The following LAMA3 variants were observed in gnomAD, a reference collection of about 807,000 sequenced individuals.
LAMA3 encodes laminin subunit alpha 3.
Under a neutral mutation model 402.0 loss-of-function variants are expected in LAMA3, and 281 were observed. The observed-to-expected ratio is 0.70, with a 90% CI of 0.63 to 0.77. The LOEUF (loss-of-function observed/expected upper bound fraction) is 0.77. Ranked by LOEUF, LAMA3 falls within the 30% of genes least tolerant of loss-of-function variation. LAMA3 has a pLI of 0.00. For missense variants in LAMA3, 3,840 were observed against 4,215.5 expected (o/e 0.91, Z 2.47); for synonymous variants, 1,431 against 1,558.4 (o/e 0.92, Z 1.93).
chr18:23,838,834 A>G lies in LAMA3; in HGVS notation c.3147A>G (p.Pro1049=), dbSNP rs2144565517. The G allele has an allele frequency of 1.2e-6, 2 of 1,612,812 alleles. No individual in the cohort carries two copies. Among genetic ancestry groups the G allele is most frequent in the African/African-American group, 1.3e-5 (1 of 75,024 alleles). The change falls in exon 26 of 75, where the codon CCA becomes CCG. Residue 1049 remains proline (P), a synonymous_variant. Coordinates refer to ENST00000313654, the MANE Select transcript of LAMA3 (RefSeq NM_198129.4). Reference sequence around the variant, plus strand: ...AATTCTCAGCTGAGTATGTGAGACCACAAGTCCACTGCATTGCCAGTTATG... The same window carrying G: ...AATTCTCAGCTGAGTATGTGAGACCGCAAGTCCACTGCATTGCCAGTTATG... ...IEEFSAEYVR[P]QVHCIASYGR...
chr18:23,754,481 C>T (rs2061807478), intron 6 of LAMA3, among the ~76,000 whole-genome samples: 1 of 152,190 alleles, frequency 6.6e-6, no homozygotes, highest in Non-Finnish European at 1.5e-5. Flanking sequence ...CCTCAAGGTT[C>T]ATCCATATTG....
intron 35 of LAMA3, among the ~76,000 whole-genome samples, chr18:23,863,045 G>A (rs539598126): frequency 2.6e-5 from 4 of 152,204 alleles, no homozygotes; most frequent in African/African-American, 9.6e-5. Context: ...GAGAGAGCTA[G>A]CTCAAGACAG....
rs2145054967 is a variant in LAMA3, at chr18:23,894,293, T to C, written c.5411-5T>C. On this transcript the variant is annotated splice_polypyrimidine_tract_variant and splice_region_variant and intron_variant, in intron 42 of 74. Transcript: ENST00000313654. ...ATGTCTTCTTTGGTTATTTTCTGAT[T>C]TTAGACTGCATAAACCAAGAACCCA... 1 of 1,609,716 alleles carries C rather than the reference T, an allele frequency of 6.2e-7. No homozygotes were observed. Among genetic ancestry groups the C allele is most frequent in the Non-Finnish European group, 8.5e-7 (1 of 1,176,010 alleles).
At chr18:23,953,166 C>T (rs1347483905) in intron 74 of LAMA3, 57 bp downstream of exon 74, 1 of 1,606,596 alleles carries the variant, frequency 6.2e-7, no homozygotes. Flanking sequence ...TGAACATTCA[C>T]TTCTTAATTA....
At chr18:23,896,291 G>A (rs1044053448) in intron 44 of LAMA3, among the ~76,000 whole-genome samples, 4 of 152,146 alleles carry the variant, frequency 2.6e-5, no homozygotes, top group African/African-American at 4.8e-5. Context: ...AGCTGAGATG[G>A]TGCCACTGCA....
chr18:23,942,999 T>G (rs1044074035), intron 68 of LAMA3, among the ~76,000 whole-genome samples: 1 of 152,218 alleles, frequency 6.6e-6, no homozygotes, highest in Non-Finnish European at 1.5e-5. Context: ...GGTGGGTCTG[T>G]GCTTCCGTGT....
At chr18:23,714,136 T>C in intron 2 of LAMA3, 64 bp downstream of exon 2, 1 of 1,424,964 alleles carries the variant, frequency 7.0e-7, no homozygotes, top group Non-Finnish European at 9.8e-7. Context: ...TGGGGATTTC[T>C]GATATAATAA....
intron 32 of LAMA3, among the ~76,000 whole-genome samples, chr18:23,850,129 G>C (rs1258906572): frequency 6.6e-6 from 1 of 152,150 alleles, no homozygotes; most frequent in Admixed American, 6.5e-5. Context: ...GAGATACCTA[G>C]AGTTTATGAG....
rs561076394 is a variant in LAMA3 at position 23,919,611 on chromosome 18, G to A, written c.7924-1324G>A. 6.6e-5 allele frequency among the ~76,000 whole-genome samples: 10 copies of A among 152,340 alleles called. No individual in the cohort carries two copies. In the South Asian group the frequency reaches 1.9e-3, roughly 28 times the overall value. Reference sequence around the variant, plus strand: ...TGCTTCCTCTGAGATCAGGAGGACAGCATTTGAACAGGACATGGGGACAGG... The same window carrying A: ...TGCTTCCTCTGAGATCAGGAGGACAACATTTGAACAGGACATGGGGACAGG... On this transcript the variant is annotated intron_variant, in intron 60 of 74. Coordinates refer to ENST00000313654, the MANE Select transcript of LAMA3 (RefSeq NM_198129.4).
chr18:23,952,787 T>G (rs2082960922), intron 73 of LAMA3, among the ~76,000 whole-genome samples: 1 of 152,226 alleles, frequency 6.6e-6, no homozygotes, highest in African/African-American at 2.4e-5. Flanking sequence ...ACAGATTCAT[T>G]TTAAGGGTAA....
chr18:23,884,158 A>G (rs888811809), intron 40 of LAMA3, among the ~76,000 whole-genome samples: 1 of 151,780 alleles, frequency 6.6e-6, no homozygotes, highest in Non-Finnish European at 1.5e-5. Flanking sequence ...GCTAAAATCA[A>G]GTGTAAAATA....
intron 38 of LAMA3, among the ~76,000 whole-genome samples, chr18:23,873,800 T>C (rs2064613596): frequency 6.6e-6 from 1 of 152,230 alleles, no homozygotes; most frequent in African/African-American, 2.4e-5. Flanking sequence ...TATTATCATT[T>C]GTATATAATA....
intron 55 of LAMA3, 130 bp from the exon 56 acceptor site, chr18:23,912,581 A>T: frequency 1.3e-6 from 1 of 763,114 alleles, no homozygotes; most frequent in Non-Finnish European, 2.3e-6. Flanking sequence ...AGACATTCAC[A>T]TTCCCTTGCT....
intron 64 of LAMA3, 98 bp downstream of exon 64, chr18:23,928,863 A>AT: frequency 8.6e-7 from 1 of 1,157,200 alleles, no homozygotes; most frequent in Non-Finnish European, 1.3e-6. Flanking sequence ...GGAGTTGTAC[A>AT]TTTTTTCTAT....
intron 44 of LAMA3, 141 bp downstream of exon 44, chr18:23,895,199 CTT>C (rs1359042561): frequency 1.0e-6 from 1 of 965,430 alleles, no homozygotes; most frequent in Non-Finnish European, 1.6e-6. Flanking sequence ...GAAGATAAGA[CTT>C]TTCCTGGTGG....
intron 73 of LAMA3, among the ~76,000 whole-genome samples, chr18:23,952,273 G>C (rs1036710558): frequency 6.6e-6 from 1 of 152,204 alleles, no homozygotes; most frequent in Non-Finnish European, 1.5e-5. Flanking sequence ...CCCAGTGTCT[G>C]ATATGTAGTC....
At chr18:23,917,478 G>A (rs960570458) in intron 60 of LAMA3, among the ~76,000 whole-genome samples, 3 of 152,104 alleles carry the variant, frequency 2.0e-5, no homozygotes, top group Non-Finnish European at 4.4e-5. Flanking sequence ...TTACATTCCC[G>A]CCAGCAGTGT....
chr18:23,889,678 AAGGAAGGAAGGAAGGAAGGG>A (rs2080578155), intron 41 of LAMA3, among the ~76,000 whole-genome samples: 1 of 82,846 alleles, frequency 1.2e-5, no homozygotes, highest in African/African-American at 4.1e-5. Context: ...GGGAGGGAGG[AAGGAAGGAAGGAAGGAAGGG>A]AGGGAGGAAG....
intron 9 of LAMA3, among the ~76,000 whole-genome samples, chr18:23,774,308 T>C (rs1021739429): frequency 1.3e-5 from 2 of 152,216 alleles, no homozygotes; most frequent in African/African-American, 2.4e-5. Flanking sequence ...TTGTTTAAAA[T>C]AGCTAATATT....
Sources: allele counts gnomAD v4.1 joint callset (sites outside exome capture counted in the v4.1 genomes callset), GRCh38; gene constraint gnomAD v4.1.1; transcripts MANE v1.5; gene names NCBI Gene and HGNC (gene_info 2026-07-23, HGNC 2026-07-21).